TMTC2: variants seen among roughly 807,000 people sequenced by gnomAD.
The protein encoded by TMTC2 is protein O-mannosyl-transferase TMTC2.
A neutral mutation model predicts 82.4 loss-of-function variants in TMTC2; 43 were observed. That is an observed-to-expected ratio of 0.52 (90% CI 0.41 to 0.67). The LOEUF (loss-of-function observed/expected upper bound fraction) is 0.67, where lower values mean the gene tolerates loss of function less well. TMTC2 is among the 30% of genes least tolerant of loss of function. The pLI is 0.00. For missense variants in TMTC2, 919 were observed against 1,012.4 expected (o/e 0.91, Z 1.25); for synonymous variants, 408 against 381.9 (o/e 1.07, Z -0.80).
chr12:82,993,099 C>T (rs1484272296), intron 8 of TMTC2, among the ~76,000 whole-genome samples: 1 of 152,106 alleles, frequency 6.6e-6, no homozygotes, highest in Non-Finnish European at 1.5e-5. Flanking sequence ...ATTCTTCTGC[C>T]TCAGCCTCCC....
intron 2 of TMTC2, among the ~76,000 whole-genome samples, chr12:82,878,978 C>T (rs1872700258): frequency 6.6e-6 from 1 of 152,202 alleles, no homozygotes; most frequent in Non-Finnish European, 1.5e-5. Context: ...GATTGAGTCG[C>T]TGTCTCTTGG....
chr12:82,823,446 T>C (rs148792583), intron 1 of TMTC2, among the ~76,000 whole-genome samples: 17 of 152,352 alleles, frequency 1.1e-4, no homozygotes, highest in African/African-American at 3.8e-4. Context: ...CAGGTATTAC[T>C]TTTGCTATTT....
chr12:82,721,422 T>C (rs1257477696), intron 1 of TMTC2, among the ~76,000 whole-genome samples: 1 of 152,222 alleles, frequency 6.6e-6, no homozygotes, highest in Admixed American at 6.5e-5. Context: ...AATTTTGTTT[T>C]TTTCTTTCTG....
At chr12:82,864,327 C>T (rs189549258) in intron 2 of TMTC2, among the ~76,000 whole-genome samples, 84 of 151,798 alleles carry the variant, frequency 5.5e-4, no homozygotes, top group African/African-American at 1.6e-3. Flanking sequence ...CCTAGGGATA[C>T]GCAGGTCAGC....
intron 7 of TMTC2, among the ~76,000 whole-genome samples, chr12:82,972,914 C>T (rs542967326): frequency 3.3e-5 from 5 of 152,068 alleles, no homozygotes; most frequent in Admixed American, 1.3e-4. Flanking sequence ...GTGTTTACCT[C>T]ACCTTGTTTC....
chr12:82,703,285 T>C (rs183612872), intron 1 of TMTC2, among the ~76,000 whole-genome samples: 1 of 152,244 alleles, frequency 6.6e-6, no homozygotes, highest in Admixed American at 6.5e-5. Context: ...TTATCTATTA[T>C]GAGGGGAGAA....
At chr12:82,876,177 C>CATAAT (rs1872566617) in intron 2 of TMTC2, among the ~76,000 whole-genome samples, 7 of 120,084 alleles carry the variant, frequency 5.8e-5, no homozygotes, top group African/African-American at 2.7e-4. Context: ...TGTTGTTGAT[C>CATAAT]GGGTGGTAGT....
At chr12:83,063,291 A>T (rs1442506205) in intron 11 of TMTC2, among the ~76,000 whole-genome samples, 6 of 58,916 alleles carry the variant, frequency 1.0e-4, no homozygotes, top group Non-Finnish European at 2.0e-4. Flanking sequence ...CTTCTTCTGC[A>T]GTTTTGTTTT....
chr12:82,725,804 G>T (rs569917687), intron 1 of TMTC2, among the ~76,000 whole-genome samples: 2 of 152,322 alleles, frequency 1.3e-5, no homozygotes, highest in Admixed American at 1.3e-4. Flanking sequence ...GTTTACAATG[G>T]GTTGGGTTTG....
intron 1 of TMTC2, among the ~76,000 whole-genome samples, chr12:82,814,846 A>G (rs1364391554): frequency 3.9e-5 from 6 of 152,190 alleles, no homozygotes; most frequent in Non-Finnish European, 8.8e-5. Flanking sequence ...TAGAATCCAG[A>G]TGGAATTATC....
intron 7 of TMTC2, among the ~76,000 whole-genome samples, chr12:82,974,003 T>G (rs962198910): frequency 6.6e-6 from 1 of 152,214 alleles, no homozygotes; most frequent in Non-Finnish European, 1.5e-5. Flanking sequence ...ACAAATATAC[T>G]CAAATTAATA....
chr12:83,080,172 T>G (rs535594177), intron 11 of TMTC2, among the ~76,000 whole-genome samples: 1 of 152,338 alleles, frequency 6.6e-6, no homozygotes, highest in South Asian at 2.1e-4. Context: ...CCCTCAGCAC[T>G]ATAGTACCAC....
At position 83,016,127 on chromosome 12, in the gene TMTC2, A is replaced by G. The variant is rs553108730; in HGVS notation, c.2071-14671A>G. On this transcript the variant is annotated intron_variant, in intron 8 of 11. Coordinates refer to ENST00000321196, the MANE Select transcript of TMTC2 (RefSeq NM_152588.3). ...AAATCTGATAAAGTTTAGTTGTTAC[A>G]TAACCCTGTTTGGTCAAAAAATGTG... Among the ~76,000 whole-genome samples the G allele has an allele frequency of 6.6e-5, 10 of 152,358 alleles. No homozygotes were observed. In the South Asian group the frequency reaches 2.1e-3, roughly 32 times the overall value.
chr12:83,029,735 C>T (rs1881346530), intron 8 of TMTC2, among the ~76,000 whole-genome samples: 1 of 152,142 alleles, frequency 6.6e-6, no homozygotes, highest in Non-Finnish European at 1.5e-5. Context: ...CTATCTTGTG[C>T]CATCCTTCTG....
intron 1 of TMTC2, among the ~76,000 whole-genome samples, chr12:82,720,388 C>CAGT (rs1565721109): frequency 6.6e-6 from 1 of 152,116 alleles, no homozygotes; most frequent in African/African-American, 2.4e-5. Context: ...TAGCATGCAT[C>CAGT]AGTAGTTCAT....
chr12:82,838,831 CT>C (rs1870189746), intron 1 of TMTC2, among the ~76,000 whole-genome samples: 2 of 143,930 alleles, frequency 1.4e-5, no homozygotes, highest in Admixed American at 1.4e-4. Context: ...TTATGGTGTA[CT>C]TTTGTAACCT....
At chr12:82,905,419 T>C (rs1006193052) in intron 3 of TMTC2, among the ~76,000 whole-genome samples, 4 of 152,226 alleles carry the variant, frequency 2.6e-5, no homozygotes, top group African/African-American at 9.6e-5. Flanking sequence ...TGGTGGTTAA[T>C]TGTTTGAAAG....
chr12:82,918,595 A>G (rs1349476781), intron 3 of TMTC2, among the ~76,000 whole-genome samples: 1 of 152,238 alleles, frequency 6.6e-6, no homozygotes, highest in African/African-American at 2.4e-5. Context: ...TAGTAAAATG[A>G]AAATGCTGAG....
At chr12:82,869,702 A>T (rs1872066496) in intron 2 of TMTC2, among the ~76,000 whole-genome samples, 1 of 151,872 alleles carries the variant, frequency 6.6e-6, no homozygotes, top group Non-Finnish European at 1.5e-5. Flanking sequence ...AGCAGCATGC[A>T]GTGGTGTGCA....
Sources: gnomAD v4.1 joint callset for allele counts (sites outside exome capture counted in the v4.1 genomes callset) on GRCh38, gnomAD v4.1.1 for gene constraint, MANE v1.5 for transcripts, NCBI Gene and HGNC (gene_info 2026-07-23, HGNC 2026-07-21) for gene names.